Variants in ZC4H2 observed in about 807,000 individuals in gnomAD.
ZC4H2 encodes the protein zinc finger C4H2 domain-containing protein.
For missense variants in ZC4H2, 137 were observed against 173.9 expected (o/e 0.79, Z 1.19); for synonymous variants, 84 against 66.3 (o/e 1.27, Z -1.30).
chrX:65,005,598 T>C (rs917978573), intron 1 of ZC4H2, among the ~76,000 whole-genome samples: 1 of 110,980 alleles, frequency 9.0e-6, no homozygotes, highest in African/African-American at 3.3e-5. Context: ...CCTAAAACCA[T>C]AAAAACCCTA....
intron 1 of ZC4H2, among the ~76,000 whole-genome samples, chrX:64,954,378 ATATATT>A (rs1271971839): frequency 3.9e-5 from 3 of 76,376 alleles, no homozygotes; most frequent in African/African-American, 1.9e-4. Context: ...ATATAATTAT[ATATATT>A]TATAATTATA....
At chrX:64,976,467 C>T (rs1014251546), upstream of ZC4H2, 2 of 1,012,977 alleles carry the variant, frequency 2.0e-6, no homozygotes, top group Non-Finnish European at 2.8e-6. Context: ...CTCCTCCGGG[C>T]TTGGGGCTAT....
chrX:64,973,348 A>G (rs1033311371), intron 1 of ZC4H2, among the ~76,000 whole-genome samples: 29 of 110,600 alleles, frequency 2.6e-4, no homozygotes, highest in African/African-American at 9.5e-4. Context: ...GTTTTCTCTC[A>G]GTAATATATT....
chrX:64,971,845 G>A, intron 1 of ZC4H2, among the ~76,000 whole-genome samples: 1 of 111,858 alleles, frequency 8.9e-6, no homozygotes, highest in South Asian at 3.7e-4. Context: ...CTTCCAAAAT[G>A]GTTTTTCTTT....
chrX:65,011,816 A>T (rs1220349259), intron 1 of ZC4H2, among the ~76,000 whole-genome samples: 1 of 109,404 alleles, frequency 9.1e-6, no homozygotes, highest in Admixed American at 9.8e-5. Context: ...CCTGGGTTCA[A>T]GCGATTCTCC....
chrX:64,987,717 T>G (rs748047673), intron 1 of ZC4H2, among the ~76,000 whole-genome samples: 40 of 109,342 alleles, frequency 3.7e-4, no homozygotes, highest in African/African-American at 1.2e-3. Flanking sequence ...ATCTCAAAAT[T>G]ATCACCTCTG....
upstream of ZC4H2, among the ~76,000 whole-genome samples, chrX:64,976,896 G>C (rs984713282): frequency 5.8e-5 from 6 of 103,470 alleles, no homozygotes; most frequent in Admixed American, 6.1e-4. Flanking sequence ...CTGCTGCCTG[G>C]GGACCAGTAA....
At chrX:64,929,728 T>G (rs756909373) in intron 1 of ZC4H2, among the ~76,000 whole-genome samples, 1 of 111,995 alleles carries the variant, frequency 8.9e-6, no homozygotes, top group Non-Finnish European at 1.9e-5. Context: ...TTGGTCTTCA[T>G]GCCTATTTTT....
At chrX:64,960,321 T>A (rs780694314) in intron 1 of ZC4H2, among the ~76,000 whole-genome samples, 7 of 110,254 alleles carry the variant, frequency 6.3e-5, no homozygotes, top group African/African-American at 2.0e-4. Flanking sequence ...AATTTTTTTT[T>A]AATGAAAAAA....
At chrX:65,002,153 C>T (rs758924450) in intron 1 of ZC4H2, among the ~76,000 whole-genome samples, 1 of 112,093 alleles carries the variant, frequency 8.9e-6, no homozygotes, top group African/African-American at 3.2e-5. Flanking sequence ...TTCTCACCAA[C>T]ACAACACAAC....
chrX:64,930,874 T>C (rs188370925), intron 1 of ZC4H2, among the ~76,000 whole-genome samples: 63 of 111,928 alleles, frequency 5.6e-4, no homozygotes, highest in African/African-American at 2.0e-3. Flanking sequence ...ACTGGCTTCA[T>C]AGAATGATTT....
intron 1 of ZC4H2, among the ~76,000 whole-genome samples, chrX:64,942,638 A>G (rs1259287372): frequency 9.0e-6 from 1 of 110,872 alleles, no homozygotes; most frequent in Non-Finnish European, 1.9e-5. Flanking sequence ...AGCTTCATCA[A>G]TGTCTATGCA....
intron 1 of ZC4H2, among the ~76,000 whole-genome samples, chrX:64,988,796 C>T (rs1479114243): frequency 9.0e-6 from 1 of 110,805 alleles, no homozygotes; most frequent in East Asian, 2.8e-4. Flanking sequence ...AAGTCCTTGC[C>T]CATGCCTATG....
intron 1 of ZC4H2, among the ~76,000 whole-genome samples, chrX:64,964,427 G>C (rs761822988): frequency 9.0e-6 from 1 of 111,123 alleles, no homozygotes; most frequent in South Asian, 3.7e-4. Flanking sequence ...TAATCAAATT[G>C]CTCAAAACCA....
Position 64,916,145 on chromosome X carries a change from G to A in ZC4H2, c.*1638C>T, listed in dbSNP as rs937519011. 1 of 111,856 alleles carries A rather than the reference G, an allele frequency of 8.9e-6. No homozygotes were observed. The highest frequency in any genetic ancestry group is 3.2e-5 in the African/African-American group (1 of 30,771). The allele number at this position is 111,856 out of a possible 1,213,427, so 9.2% of individuals were successfully genotyped here. A position where few individuals can be genotyped will look rare whatever the true frequency, so the allele number is the denominator to read the frequency against. ...ACTCTGAAAAAGCTTTTAAGTTTTT[G>A]GAGGTTCAGTATCCCTTTTTTTTTA... On this transcript the variant is annotated 3_prime_UTR_variant, in exon 5 of 5. Transcript: ENST00000374839.
intron 1 of ZC4H2, among the ~76,000 whole-genome samples, chrX:64,954,771 C>G (rs1199284861): frequency 7.3e-5 from 8 of 110,136 alleles, no homozygotes; most frequent in East Asian, 2.9e-4. Flanking sequence ...ACTACTAACC[C>G]AAGTAGAACA....
chrX:64,997,712 T>C (rs1232237716), intron 1 of ZC4H2, among the ~76,000 whole-genome samples: 1 of 111,580 alleles, frequency 9.0e-6, no homozygotes, highest in African/African-American at 3.3e-5. Flanking sequence ...GGTGCGGGTG[T>C]TCTTCCCACC....
At chrX:64,920,034 G>T in intron 3 of ZC4H2, 47 bp downstream of exon 3, 1 of 1,168,304 alleles carries the variant, frequency 8.6e-7, no homozygotes, top group Non-Finnish European at 1.2e-6. Context: ...GTATGTATGT[G>T]GGTCGGAGGG....
chrX:65,022,871 G>T (rs185527408), intron 1 of ZC4H2, among the ~76,000 whole-genome samples: 2 of 111,900 alleles, frequency 1.8e-5, no homozygotes, highest in Non-Finnish European at 3.8e-5. Flanking sequence ...GCCAAACTGC[G>T]CAAGGTAATC....
Sources: gnomAD v4.1 joint callset for allele counts (sites outside exome capture counted in the v4.1 genomes callset) on GRCh38, gnomAD v4.1.1 for gene constraint, MANE v1.5 for transcripts, NCBI Gene and HGNC (gene_info 2026-07-23, HGNC 2026-07-21) for gene names.